The following FGF1 variants were observed in gnomAD, a reference collection of about 807,000 sequenced individuals.
FGF1 encodes beta-endothelial cell growth factor.
In FGF1, 9 loss-of-function variants were observed where a neutral mutation model predicts 13.4. The observed-to-expected ratio is 0.67, with a 90% CI of 0.40 to 1.17. FGF1 has a LOEUF of 1.17. Among genes scored for constraint, FGF1 ranks in the 50% most tolerant of loss-of-function variants. The pLI, the probability that FGF1 is intolerant of heterozygous loss-of-function variation, is 0.01. For synonymous variants in FGF1, 93 were observed against 79.0 expected, an observed-to-expected ratio of 1.18 and a Z score of -0.94; for missense variants, 156 against 192.7, an observed-to-expected ratio of 0.81 and a Z score of 1.13.
At chr5:142,685,890 C>CAT (rs923112290) in intron 1 of FGF1, 67 bp downstream of exon 1, 2 of 152,006 alleles carry the variant, frequency 1.3e-5, no homozygotes, top group Admixed American at 6.6e-5. Flanking sequence ...CACACACACA[C>CAT]ACACACACAC....
chr5:142,664,296 A>G (rs927929921), intron 1 of FGF1, among the ~76,000 whole-genome samples: 1 of 152,202 alleles, frequency 6.6e-6, no homozygotes, highest in Non-Finnish European at 1.5e-5. Context: ...CAGGCAAGGC[A>G]GGGATTTGGG....
chr5:142,609,733 A>AT (rs1051272887), intron 2 of FGF1, among the ~76,000 whole-genome samples: 6 of 152,020 alleles, frequency 3.9e-5, no homozygotes, highest in Non-Finnish European at 8.8e-5. Flanking sequence ...GATCAATACC[A>AT]TTTTTTTTGA....
At chr5:142,658,550 AAG>A (rs1768588209) in intron 1 of FGF1, among the ~76,000 whole-genome samples, 1 of 152,224 alleles carries the variant, frequency 6.6e-6, no homozygotes, top group South Asian at 2.1e-4. Context: ...CTTTGTGAAT[AAG>A]AGAGTGTGGC....
chr5:142,611,680 C>T (rs1183441853), intron 2 of FGF1, among the ~76,000 whole-genome samples: 2 of 152,156 alleles, frequency 1.3e-5, no homozygotes, highest in Non-Finnish European at 2.9e-5. Context: ...CCACCCACCC[C>T]ACTTACTCTG....
chr5:142,633,000 A>T lies in FGF1; in HGVS notation c.-34-18839T>A, dbSNP rs1357947197. 1.2e-4 allele frequency among the ~76,000 whole-genome samples: 18 copies of T among 150,818 alleles called. 1 individual carries two copies. In the East Asian group the frequency reaches 3.5e-3, roughly 29 times the overall value. On this transcript the variant is annotated intron_variant, in intron 1 of 3. Coordinates refer to ENST00000337706, the MANE Select transcript of FGF1 (RefSeq NM_000800.5). Reference sequence around the variant, plus strand: ...AGTGGCACAATCTCGGCTCACTGCAACCTCCACCTCCCAAATTCAAGTAAT... The same window carrying T: ...AGTGGCACAATCTCGGCTCACTGCATCCTCCACCTCCCAAATTCAAGTAAT...
chr5:142,666,399 G>A (rs1770369434), intron 1 of FGF1, among the ~76,000 whole-genome samples: 1 of 152,092 alleles, frequency 6.6e-6, no homozygotes, highest in African/African-American at 2.4e-5. Context: ...AGGATGGGGT[G>A]TAAGATTTCA....
chr5:142,687,077 C>T (rs1455877090), upstream of FGF1, among the ~76,000 whole-genome samples: 1 of 152,160 alleles, frequency 6.6e-6, no homozygotes, highest in African/African-American at 2.4e-5. Flanking sequence ...TGAAGAGTCG[C>T]TCCTGCTTAT....
chr5:142,668,397 G>A (rs1236164988), intron 1 of FGF1, among the ~76,000 whole-genome samples: 1 of 152,246 alleles, frequency 6.6e-6, no homozygotes, highest in African/African-American at 2.4e-5. Context: ...CATTCGTGAT[G>A]TTTATGTGAC....
intron 1 of FGF1, among the ~76,000 whole-genome samples, chr5:142,666,744 C>G (rs565612945): frequency 1.6e-3 from 238 of 150,428 alleles, no homozygotes; most frequent in African/African-American, 5.7e-3. Context: ...TTGAGAGCAG[C>G]CTGGGCAACA....
intron 1 of FGF1, among the ~76,000 whole-genome samples, chr5:142,625,313 GAC>G (rs59813387): frequency 0.25 from 36,653 of 148,062 alleles, 4,917 homozygotes; most frequent in Non-Finnish European, 0.31. Context: ...ACTACAAGCG[GAC>G]ACACACACAC....
upstream of FGF1, among the ~76,000 whole-genome samples, chr5:142,687,114 A>AGTGT (rs150596132): frequency 4.2e-3 from 633 of 150,174 alleles, 1 homozygote; most frequent in African/African-American, 0.013. Context: ...AGAAGGCATG[A>AGTGT]GTGTGTGTGT....
At chr5:142,678,107 G>C (rs1268714034) in intron 1 of FGF1, among the ~76,000 whole-genome samples, 2 of 152,092 alleles carry the variant, frequency 1.3e-5, no homozygotes, top group African/African-American at 4.8e-5. Flanking sequence ...GGAGGCCAGG[G>C]CTGGATGGGT....
intron 3 of FGF1, among the ~76,000 whole-genome samples, chr5:142,598,378 G>T (rs1173676667): frequency 1.3e-5 from 2 of 152,108 alleles, no homozygotes; most frequent in African/African-American, 4.8e-5. Flanking sequence ...TATGCACTTG[G>T]TACAATGCTG....
chr5:142,595,807 TG>T (rs1755131006), intron 3 of FGF1, among the ~76,000 whole-genome samples: 1 of 152,218 alleles, frequency 6.6e-6, no homozygotes, highest in Admixed American at 6.5e-5. Flanking sequence ...AATCTCCCAC[TG>T]GGGACATTCT....
At chr5:142,619,933 T>C (rs956165270) in intron 1 of FGF1, among the ~76,000 whole-genome samples, 1 of 151,012 alleles carries the variant, frequency 6.6e-6, no homozygotes. Context: ...TTGCTCAGAA[T>C]TAGGTGGCCA....
In FGF1 at chr5:142,618,921, G is replaced by GTTTTTTTTTTTTTTTTTTTTT. The variant is rs1343286807; in HGVS notation, c.-34-4761_-34-4760insAAAAAAAAAAAAAAAAAAAAA. On this transcript the variant is annotated intron_variant, in intron 1 of 3. Coordinates refer to ENST00000337706, the MANE Select transcript of FGF1 (RefSeq NM_000800.5). ...GGCAAACACTGACATTTATTTTTTA[G>GTTTTTTTTTTTTTTTTTTTTT]TTGTTTTGTTTTTTTTTTTTTTTTT... Among the ~76,000 whole-genome samples the GTTTTTTTTTTTTTTTTTTTTT allele has an allele frequency of 2.8e-5, 3 of 108,374 alleles. 1 individual carries two copies. The highest frequency in any genetic ancestry group is 7.5e-4 in the East Asian group (2 of 2,662). 71.1% of individuals were successfully genotyped at this position (108,374 alleles called of 152,430 possible). A position where few individuals can be genotyped will look rare whatever the true frequency, so the allele number is the denominator to read the frequency against.
chr5:142,672,424 G>A (rs1425421569), intron 1 of FGF1, among the ~76,000 whole-genome samples: 3 of 150,740 alleles, frequency 2.0e-5, no homozygotes, highest in Non-Finnish European at 4.4e-5. Context: ...AAAACTACAT[G>A]AAATACACAG....
intron 1 of FGF1, among the ~76,000 whole-genome samples, chr5:142,654,570 G>C (rs1395239558): frequency 6.6e-6 from 1 of 152,216 alleles, no homozygotes; most frequent in Non-Finnish European, 1.5e-5. Flanking sequence ...TAGCAAAAGT[G>C]GGGCATAAAT....
chr5:142,639,144 C>G (rs1164530345), intron 1 of FGF1, among the ~76,000 whole-genome samples: 1 of 152,042 alleles, frequency 6.6e-6, no homozygotes, highest in Non-Finnish European at 1.5e-5. Context: ...AGCACTACCA[C>G]ATGATCCAGC....
Sources: gnomAD v4.1 joint callset for allele counts (sites outside exome capture counted in the v4.1 genomes callset) on GRCh38, gnomAD v4.1.1 for gene constraint, MANE v1.5 for transcripts, NCBI Gene and HGNC (gene_info 2026-07-23, HGNC 2026-07-21) for gene names.